Variants in NPVF observed in about 807,000 individuals in gnomAD.
The protein encoded by NPVF is pro-FMRFamide-related neuropeptide VF.
A neutral mutation model predicts 15.7 loss-of-function variants in NPVF; 17 were observed. The observed-to-expected ratio is 1.08, with a 90% confidence interval of 0.74 to 1.62. The LOEUF (loss-of-function observed/expected upper bound fraction) is 1.62, where lower values mean the gene tolerates loss of function less well. Ranked by LOEUF, NPVF falls within the 40% of genes most tolerant of loss-of-function variation. The pLI is 0.00. For synonymous variants in NPVF, 70 were observed against 80.1 expected (o/e 0.87, Z 0.67); for missense variants, 270 against 225.2 (o/e 1.20, Z -1.27).
intron 2 of NPVF, among the ~76,000 whole-genome samples, chr7:25,226,126 A>G (rs1783125151): frequency 6.6e-6 from 1 of 152,230 alleles, no homozygotes; most frequent in South Asian, 2.1e-4. Flanking sequence ...ATGTGTACAT[A>G]GGAGATAATA....
intron 1 of NPVF, 41 bp from the exon 2 acceptor site, chr7:25,227,067 A>G (rs898211431): frequency 5.3e-6 from 8 of 1,498,312 alleles, no homozygotes; most frequent in Non-Finnish European, 7.3e-6. Context: ...TACTGTTGTT[A>G]TAAGCAACAG....
chr7:25,226,640 A>G lies in NPVF; in HGVS notation c.525T>C (p.Asp175=), dbSNP rs113088992. ...CAGGTATTTACCTTGACTGTTTTTG[A>G]TCGGGATTCTGGATTTCTTGGTGCT... ...TCQHQEIQNP[D]QKQSRRLLFK... is the part of the protein sequence containing the mutation. The change falls in exon 2 of 3, where the codon GAT becomes GAC. Residue 175 remains aspartate, a synonymous_variant. Coordinates refer to ENST00000222674, the MANE Select transcript of NPVF (RefSeq NM_022150.3). 1.9e-5 allele frequency: 30 copies of G among 1,613,502 alleles called. No homozygotes were observed. In the African/African-American group the frequency reaches 2.4e-4, roughly 13 times the overall value.
At position 25,225,144 on chromosome 7, in the gene NPVF, G is replaced by A. The variant is rs543270782; in HGVS notation, c.569C>T (p.Ala190Val). The A allele has an allele frequency of 1.1e-5, 18 of 1,613,618 alleles. No homozygotes were observed. The East Asian group carries it at 3.8e-4, about 34-fold the overall frequency. ...RRLLFKKIDD[A>V]ELKQEK ...TTCTTATTTTTCTTGTTTCAATTCT[G>A]CATCATCTATTTTCTTGAATAGCAG... Residue 190 changes from alanine (A) to valine (V), a missense_variant, in exon 3 of 3, where the codon GCA becomes GTA. Physicochemically the swap from Ala to Val is moderately conservative, Grantham distance 64. Coordinates refer to ENST00000222674, the MANE Select transcript of NPVF (RefSeq NM_022150.3).
Position 25,228,478 on chromosome 7 carries a change from A to G in NPVF, c.-39T>C, listed in dbSNP as rs898352011. The stretch of plus-strand genomic sequence containing the variant: ...AAAATTAAGTCTCTATGTGCAGCCC[A>G]ATGTTTATGAGAGGAGAAAAAAATT... On this transcript the variant is annotated 5_prime_UTR_variant, in exon 1 of 3. Transcript: ENST00000222674. 19 of 1,483,836 alleles carry G rather than the reference A, an allele frequency of 1.3e-5. No individual in the cohort carries two copies. The highest frequency in any genetic ancestry group is 1.7e-5 in the Non-Finnish European group (19 of 1,090,082). 91.9% of individuals were successfully genotyped at this position (1,483,836 alleles called of 1,614,324 possible).
chr7:25,226,027 T>C lies in NPVF; in HGVS notation c.539+599A>G, dbSNP rs181176461. Among the ~76,000 whole-genome samples the C allele has an allele frequency of 7.6e-3, 1,157 of 152,302 alleles. 6 individuals carry two copies. The highest frequency in any genetic ancestry group is 0.014 in the Non-Finnish European group (929 of 68,010). On this transcript the variant is annotated intron_variant, in intron 2 of 2. Coordinates refer to ENST00000222674, the MANE Select transcript of NPVF (RefSeq NM_022150.3). ...TCTTAACTAAAGCATCATGTTCTAC[T>C]TCATATAAAAAAAATTTTTTTTAAG...
At chr7:25,225,980 C>G (rs1783120265) in intron 2 of NPVF, among the ~76,000 whole-genome samples, 1 of 152,178 alleles carries the variant, frequency 6.6e-6, no homozygotes, top group African/African-American at 2.4e-5. Context: ...GTGACACAAT[C>G]TGCCACTGTA....
chr7:25,224,593 A>G lies in NPVF; in HGVS notation c.*529T>C, dbSNP rs1432372328. Reference sequence around the variant, plus strand: ...CTTTTTCTTTTCTCCCTAAAGTCTAAGAGTTTTTATTTTGTAGTTTTACAC... The same window carrying G: ...CTTTTTCTTTTCTCCCTAAAGTCTAGGAGTTTTTATTTTGTAGTTTTACAC... On this transcript the variant is annotated 3_prime_UTR_variant, in exon 3 of 3. Transcript: ENST00000222674. 1 of 152,424 alleles carries G rather than the reference A, an allele frequency of 6.6e-6. No homozygotes were observed. Among genetic ancestry groups the G allele is most frequent in the African/African-American group, 2.4e-5 (1 of 41,456 alleles). 9.4% of individuals were successfully genotyped at this position (152,424 alleles called of 1,614,324 possible). A position where few individuals can be genotyped will look rare whatever the true frequency, so the allele number is the denominator to read the frequency against.
intron 1 of NPVF, among the ~76,000 whole-genome samples, chr7:25,227,931 A>G (rs2115498204): frequency 6.6e-6 from 1 of 152,352 alleles, no homozygotes; most frequent in South Asian, 2.1e-4. Flanking sequence ...CTAAGCCCAA[A>G]AGAAATGTGT....
Position 25,225,021 on chromosome 7 carries a change from C to T in NPVF, c.*101G>A. The T allele has an allele frequency of 1.1e-6, 1 of 930,754 alleles. No homozygotes were observed. Among genetic ancestry groups the T allele is most frequent in the Non-Finnish European group, 1.7e-6 (1 of 592,906 alleles). The allele number at this position is 930,754 out of a possible 1,614,324, so 57.7% of individuals were successfully genotyped here. A position where few individuals can be genotyped will look rare whatever the true frequency, so the allele number is the denominator to read the frequency against. ...CAAGGAAAAATTGCCGTTGATGATC[C>T]ATAGCTGATGAAGTGTATGTAGCTA... On this transcript the variant is annotated 3_prime_UTR_variant, in exon 3 of 3. Transcript: ENST00000222674.
chr7:25,226,486 C>T, intron 2 of NPVF, 140 bp downstream of exon 2: 2 of 960,232 alleles, frequency 2.1e-6, no homozygotes, highest in Non-Finnish European at 3.1e-6. Context: ...GTATTTAGTT[C>T]CTTGTGTCTT....
Position 25,228,332 on chromosome 7 carries a change from G to C in NPVF, c.108C>G (p.His36Gln). Residue 36 changes from histidine (H) to glutamine (Q), a missense_variant, in exon 1 of 3, where the codon CAC becomes CAG. Transcript: ENST00000222674. ...CADELVMSNL[H>Q]SKENYDKYSE... ...AATATTTGTCATAATTTTCTTTGCT[G>C]TGAAGATTGGACATCACTAATTCAT... 2 of 1,526,656 alleles carry C rather than the reference G, an allele frequency of 1.3e-6. No homozygotes were observed. The highest frequency in any genetic ancestry group is 1.8e-6 in the Non-Finnish European group (2 of 1,102,362). The allele number at this position is 1,526,656 out of a possible 1,614,324, so 94.6% of individuals were successfully genotyped here.
chr7:25,225,088 C>G lies in NPVF; in HGVS notation c.*34G>C. The G allele has an allele frequency of 6.3e-7, 1 of 1,596,020 alleles. No individual in the cohort carries two copies. Among genetic ancestry groups the G allele is most frequent in the Non-Finnish European group, 8.6e-7 (1 of 1,166,446 alleles). ...TCGCTATAGAGCCATTTGTAGATTA[C>G]AGGCCACAGCTTTAGGGACAGGCTC... On this transcript the variant is annotated 3_prime_UTR_variant, in exon 3 of 3. Coordinates refer to ENST00000222674, the MANE Select transcript of NPVF (RefSeq NM_022150.3).
At position 25,228,344 on chromosome 7, in the gene NPVF, C is replaced by G. The variant is rs886354; in HGVS notation, c.96G>C (p.Met32Ile). ...AATTTTCTTTGCTGTGAAGATTGGA[C>G]ATCACTAATTCATCTGCACAAAAAA... is the stretch of plus-strand genomic sequence containing the variant. The part of the protein sequence containing the change: ...SNIFCADELV[M>I]SNLHSKENYD... Residue 32 changes from methionine to isoleucine, a missense_variant, in exon 1 of 3, where the codon ATG becomes ATC. Met to Ile is a conservative substitution (Grantham distance 10). Coordinates refer to ENST00000222674, the MANE Select transcript of NPVF (RefSeq NM_022150.3). 0.069 allele frequency: 105,790 copies of G among 1,534,178 alleles called. 4,530 individuals are homozygous for G. Among genetic ancestry groups the G allele is most frequent in the Non-Finnish European group, 0.079 (87,640 of 1,108,672 alleles).
In NPVF at chr7:25,227,953, T is replaced by A. The variant is rs546286598; in HGVS notation, c.138+349A>T. 3.9e-5 allele frequency among the ~76,000 whole-genome samples: 6 copies of A among 152,360 alleles called. No homozygotes were observed. In the East Asian group the frequency reaches 1.2e-3, roughly 29 times the overall value. On this transcript the variant is annotated intron_variant, in intron 1 of 2. Coordinates refer to ENST00000222674, the MANE Select transcript of NPVF (RefSeq NM_022150.3). Reference sequence around the variant, plus strand: ...CAAAAGAAATGTGTTTTTTGTTTGTTTGTTTGTAGTTTAAAACAATTTGAA... The same window carrying A: ...CAAAAGAAATGTGTTTTTTGTTTGTATGTTTGTAGTTTAAAACAATTTGAA...
rs1269236609 is a variant in NPVF, at chr7:25,224,595, A to G, written c.*527T>C. On this transcript the variant is annotated 3_prime_UTR_variant, in exon 3 of 3. Coordinates refer to ENST00000222674, the MANE Select transcript of NPVF (RefSeq NM_022150.3). ...TTTTCTTTTCTCCCTAAAGTCTAAG[A>G]GTTTTTATTTTGTAGTTTTACACAG... 1 of 152,372 alleles carries G rather than the reference A, an allele frequency of 6.6e-6. No homozygotes were observed. The highest frequency in any genetic ancestry group is 1.9e-4 in the East Asian group (1 of 5,216). The allele number at this position is 152,372 out of a possible 1,614,324, so 9.4% of individuals were successfully genotyped here. A position where few individuals can be genotyped will look rare whatever the true frequency, so the allele number is the denominator to read the frequency against.
rs1026442828 is a variant in NPVF at position 25,226,833 on chromosome 7, C to T, written c.332G>A (p.Arg111Lys). ...SAGATANLPL[R>K]SGRNMEVSLV... ...GCTCACCTCCATATTTCTTCCAGAT[C>T]TCAGAGGCAGGTTGGCTGTTGCTCC... The change falls in exon 2 of 3, where the codon AGA becomes AAA. Residue 111 changes from arginine to lysine, a missense_variant. Physicochemically the swap from Arg to Lys is conservative, Grantham distance 26. Transcript: ENST00000222674. 6.2e-7 allele frequency: 1 copy of T among 1,614,192 alleles called. No individual in the cohort carries two copies. Among genetic ancestry groups the T allele is most frequent in the South Asian group, 1.1e-5 (1 of 91,086 alleles).
At chr7:25,226,071 A>G (rs1218911592) in intron 2 of NPVF, among the ~76,000 whole-genome samples, 1 of 152,198 alleles carries the variant, frequency 6.6e-6, no homozygotes. Context: ...CTCTACTATA[A>G]AAGAACAGGT....
At position 25,226,870 on chromosome 7, in the gene NPVF, C is replaced by A; in HGVS notation, c.295G>T (p.Glu99Ter). The change falls in exon 2 of 3, where the codon GAA becomes TAA. Residue 99 changes from glutamate (E) to a stop codon, truncating the protein, a stop_gained. Coordinates refer to ENST00000222674, the MANE Select transcript of NPVF (RefSeq NM_022150.3). LOFTEE classifies it high-confidence loss of function. ...TTGGCTGTTGCTCCAGCACTTCTTT[C>A]TTCTTGAACGTTCCTCCCAAATCTC... ...PLRFGRNVQE[E>*]RSAGATANLP... The A allele has an allele frequency of 6.2e-7, 1 of 1,614,212 alleles. No homozygotes were observed. The highest frequency in any genetic ancestry group is 8.5e-7 in the Non-Finnish European group (1 of 1,180,024).
chr7:25,226,776 C>T lies in NPVF; in HGVS notation c.389G>A (p.Arg130Lys). 2 of 1,614,158 alleles carry T rather than the reference C, an allele frequency of 1.2e-6. No homozygotes were observed. Among genetic ancestry groups the T allele is most frequent in the Non-Finnish European group, 1.7e-6 (2 of 1,180,020 alleles). The change falls in exon 2 of 3, where the codon AGG (arginine) becomes AAG (lysine). Residue 130 changes from arginine (R) to lysine (K), a missense_variant. Arg to Lys is a conservative substitution (Grantham distance 26). Coordinates refer to ENST00000222674, the MANE Select transcript of NPVF (RefSeq NM_022150.3). The stretch of plus-strand genomic sequence containing the variant: ...TTTGGCTGTTGTTGTTCTCCCAAAC[C>T]TTTGGGGCAGGTTAGGAACACGTCT... ...LVRRVPNLPQ[R>K]FGRTTTAKSV...
Sources: allele counts gnomAD v4.1 joint callset (sites outside exome capture counted in the v4.1 genomes callset), GRCh38; gene constraint gnomAD v4.1.1; transcripts MANE v1.5; gene names NCBI Gene and HGNC (gene_info 2026-07-23, HGNC 2026-07-21).